The following VCAN variants were observed in gnomAD, a reference collection of about 807,000 sequenced individuals.
VCAN encodes the protein versican core protein.
In VCAN, 44 loss-of-function variants were observed where a neutral mutation model predicts 245.5. The observed-to-expected ratio is 0.18, with a 90% CI of 0.14 to 0.23. The LOEUF is 0.23. Ranked by LOEUF, VCAN falls within the 10% of genes least tolerant of loss-of-function variation. The pLI is 1.00. For missense variants in VCAN, 3,793 were observed against 4,057.9 expected, an observed-to-expected ratio of 0.93 and a Z score of 1.77; for synonymous variants, 1,413 against 1,437.0, an observed-to-expected ratio of 0.98 and a Z score of 0.38.
chr5:83,572,469 A>T lies in VCAN; in HGVS notation c.9789A>T (p.Glu3263Asp). 6.2e-7 allele frequency: 1 copy of T among 1,613,996 alleles called. No homozygotes were observed. Among genetic ancestry groups the T allele is most frequent in the Non-Finnish European group, 8.5e-7 (1 of 1,179,904 alleles). The change falls in exon 13 of 15, where the codon GAA becomes GAT. Residue 3263 changes from glutamate (E) to aspartate (D), a missense_variant. This residue lies in a region of VCAN where 205 missense variants were observed against 321.1 expected (regional missense o/e 0.64). Transcript: ENST00000265077. ...CAGACAGCTTCTTTTCTGCTGGAGA[A>T]GACTGTGTTGTAATCATTTGGCATG... is the stretch of plus-strand genomic sequence containing the variant. ...NQPDSFFSAG[E>D]DCVVIIWHEN... is the part of the protein sequence containing the mutation.
chr5:83,536,506 TAG>T (rs1746712195), intron 7 of VCAN: 1 of 152,790 alleles, frequency 6.5e-6, no homozygotes, highest in South Asian at 2.1e-4. Context: ...TCTTATTGAA[TAG>T]AGAGTGTATA....
Position 83,538,700 on chromosome 5 carries a change from A to T in VCAN, c.5697A>T (p.Ile1899=). 1 of 1,614,108 alleles carries T rather than the reference A, an allele frequency of 6.2e-7. No homozygotes were observed. Among genetic ancestry groups the T allele is most frequent in the East Asian group, 2.2e-5 (1 of 44,874 alleles). Residue 1899 remains isoleucine, a synonymous_variant, in exon 8 of 15, where the codon ATA becomes ATT. Coordinates refer to ENST00000265077, the MANE Select transcript of VCAN (RefSeq NM_004385.5). ...TGGACAGAGTAGTTGCTGAAAATATAACCCAAACATCCAGGGAAATAGTGA... is the reference window on the plus strand; with the variant it reads ...TGGACAGAGTAGTTGCTGAAAATATTACCCAAACATCCAGGGAAATAGTGA... ...TVMDRVVAEN[I]TQTSREIVIS...
intron 12 of VCAN, among the ~76,000 whole-genome samples, chr5:83,565,213 G>A (rs1480737660): frequency 6.6e-6 from 1 of 152,168 alleles, no homozygotes; most frequent in Non-Finnish European, 1.5e-5. Flanking sequence ...GTATTGGACA[G>A]CTCAGTTTTC....
At chr5:83,546,260 A>G (rs895807787) in intron 9 of VCAN, among the ~76,000 whole-genome samples, 3 of 151,652 alleles carry the variant, frequency 2.0e-5, no homozygotes, top group African/African-American at 7.3e-5. Flanking sequence ...AAAAGGCACC[A>G]GTGTTGATTT....
At position 83,521,419 on chromosome 5, in the gene VCAN, A is replaced by G. The variant is rs1442942202; in HGVS notation, c.3113A>G (p.Lys1038Arg). The G allele has an allele frequency of 6.2e-7, 1 of 1,614,014 alleles. No individual in the cohort carries two copies. The highest frequency in any genetic ancestry group is 8.5e-7 in the Non-Finnish European group (1 of 1,180,008). The change falls in exon 7 of 15, where the codon AAA becomes AGA. Residue 1038 changes from lysine (K) to arginine (R), a missense_variant. By Grantham distance (26) the Lys-to-Arg change is conservative. Transcript: ENST00000265077. ...ACAACTCAGGAAGAATTCCCTTGGA[A>G]AGAACAGACTGCAGAGAAACCAGTT... is the stretch of plus-strand genomic sequence containing the variant. ...EGTTQEEFPW[K>R]EQTAEKPVPA...
Position 83,523,120 on chromosome 5 carries a change from C to G in VCAN, c.4003+811C>G, listed in dbSNP as rs1223251491. 3.3e-5 allele frequency among the ~76,000 whole-genome samples: 5 copies of G among 152,286 alleles called. No individual in the cohort carries two copies. In the East Asian group the frequency reaches 9.6e-4, roughly 29 times the overall value. On this transcript the variant is annotated intron_variant, in intron 7 of 14. Transcript: ENST00000265077. Reference sequence around the variant, plus strand: ...AATATTTTAGCTCTCTGACAGAACTCTTAAAAGCTGTTTGTTTACATTGAT... The same window carrying G: ...AATATTTTAGCTCTCTGACAGAACTGTTAAAAGCTGTTTGTTTACATTGAT...
At chr5:83,491,189 G>A (rs1015213912) in intron 3 of VCAN, among the ~76,000 whole-genome samples, 1 of 152,142 alleles carries the variant, frequency 6.6e-6, no homozygotes, top group Non-Finnish European at 1.5e-5. Flanking sequence ...AGGAGACAAA[G>A]CAAAGAAAAA....
intron 13 of VCAN, among the ~76,000 whole-genome samples, chr5:83,575,314 A>C (rs1365431504): frequency 2.6e-5 from 4 of 152,202 alleles, no homozygotes; most frequent in Non-Finnish European, 4.4e-5. Flanking sequence ...TTTCTACATG[A>C]GAAGCTTTCC....
rs1335114880 is a variant in VCAN at position 83,539,834 on chromosome 5, A to G, written c.6831A>G (p.Glu2277=). The change falls in exon 8 of 15, where the codon GAA becomes GAG. Residue 2277 remains glutamate (E), a synonymous_variant. Coordinates refer to ENST00000265077, the MANE Select transcript of VCAN (RefSeq NM_004385.5). ...AGTCAGTGAATTTTACTGAAGTGGA[A>G]CAAATCAATAACACATTATATCCCC... is the stretch of plus-strand genomic sequence containing the variant. ...PTESVNFTEV[E]QINNTLYPHT... is the part of the protein sequence containing the mutation. 1.9e-6 allele frequency: 3 copies of G among 1,614,048 alleles called. No homozygotes were observed. The highest frequency in any genetic ancestry group is 2.5e-6 in the Non-Finnish European group (3 of 1,179,992).
At chr5:83,546,087 T>G (rs1461169135) in intron 9 of VCAN, among the ~76,000 whole-genome samples, 2 of 152,160 alleles carry the variant, frequency 1.3e-5, no homozygotes, top group African/African-American at 4.8e-5. Flanking sequence ...TCATTTGGAA[T>G]GGGAAAGACC....
intron 7 of VCAN, chr5:83,536,567 T>C (rs1459140684): frequency 1.3e-5 from 2 of 154,288 alleles, no homozygotes; most frequent in African/African-American, 2.4e-5. Context: ...ATAGATCATA[T>C]ATAGAAATAG....
At chr5:83,564,606 A>G (rs1748003520) in intron 12 of VCAN, among the ~76,000 whole-genome samples, 1 of 152,106 alleles carries the variant, frequency 6.6e-6, no homozygotes, top group Non-Finnish European at 1.5e-5. Context: ...ACAATAGTAG[A>G]ACGCTGGAGA....
At chr5:83,488,990 C>A (rs981399477) in intron 2 of VCAN, among the ~76,000 whole-genome samples, 31 of 152,138 alleles carry the variant, frequency 2.0e-4, no homozygotes, top group African/African-American at 7.0e-4. Flanking sequence ...TGCTTTTCTC[C>A]AACTGTGTTT....
At chr5:83,525,704 A>G (rs1472451261) in intron 7 of VCAN, among the ~76,000 whole-genome samples, 1 of 152,170 alleles carries the variant, frequency 6.6e-6, no homozygotes, top group Non-Finnish European at 1.5e-5. Context: ...ATCTACCCAA[A>G]TGTATGTGTG....
rs187217608 is a variant in VCAN at position 83,495,130 on chromosome 5, T to G, written c.748+1199T>G. 2.9e-3 allele frequency among the ~76,000 whole-genome samples: 439 copies of G among 152,316 alleles called. 1 individual carries two copies. The highest frequency in any genetic ancestry group is 6.8e-3 in the Middle Eastern group (2 of 294). On this transcript the variant is annotated intron_variant, in intron 5 of 14. Coordinates refer to ENST00000265077, the MANE Select transcript of VCAN (RefSeq NM_004385.5). ...ATTAAATTATACTTTTAATTTTGAG[T>G]AGGTGCATATAAAAAGAATGATCTG...
Position 83,551,372 on chromosome 5 carries a change from C to G in VCAN, c.9494-1992C>G, listed in dbSNP as rs539426081. On this transcript the variant is annotated intron_variant, in intron 10 of 14. Coordinates refer to ENST00000265077, the MANE Select transcript of VCAN (RefSeq NM_004385.5). ...CCAAAAAATACAAAAATTAGCCAGG[C>G]ATGGTGGTGCACGCCTGTAGTCCCA... is the stretch of plus-strand genomic sequence containing the variant. Among the ~76,000 whole-genome samples the G allele has an allele frequency of 3.9e-5, 6 of 151,994 alleles. No individual in the cohort carries two copies. In the South Asian group the frequency reaches 1.2e-3, roughly 32 times the overall value.
Position 83,537,553 on chromosome 5 carries a change from A to T in VCAN, c.4550A>T (p.Lys1517Ile). Residue 1517 changes from lysine to isoleucine, a missense_variant, in exon 8 of 15, where the codon AAA becomes ATA. Lys to Ile is a moderately radical substitution (Grantham distance 102). This residue lies in a region of VCAN where 3,182 missense variants were observed against 3,250.3 expected (regional missense o/e 0.98). Transcript: ENST00000265077. Reference protein sequence around the residue: ...HEEFESGTAKKGAESVTERDT... With the variant: ...HEEFESGTAKIGAESVTERDT... ...GAATTTGAAAGTGGAACAGCCAAAA[A>T]AGGGGCAGAATCAGTCACAGAGAGA... 1 of 1,613,868 alleles carries T rather than the reference A, an allele frequency of 6.2e-7. No individual in the cohort carries two copies. Among genetic ancestry groups the T allele is most frequent in the South Asian group, 1.1e-5 (1 of 91,082 alleles).
chr5:83,509,053 A>C (rs1198818799), intron 5 of VCAN, among the ~76,000 whole-genome samples: 1 of 134,692 alleles, frequency 7.4e-6, no homozygotes, highest in Non-Finnish European at 1.6e-5. Context: ...AGAAAGAAAG[A>C]GAAAGAAAGA....
chr5:83,573,439 T>C (rs309584), intron 13 of VCAN, among the ~76,000 whole-genome samples: 76,408 of 151,654 alleles, frequency 0.5, 19,426 homozygotes, highest in South Asian at 0.65. Context: ...CCTTCCTTTG[T>C]TTTATGTGAG....
Sources: gnomAD v4.1 joint callset for allele counts (sites outside exome capture counted in the v4.1 genomes callset) on GRCh38, gnomAD v4.1.1 for gene constraint, gnomAD v4.1.1 regional missense constraint, MANE v1.5 for transcripts, NCBI Gene and HGNC (gene_info 2026-07-23, HGNC 2026-07-21) for gene names.